Variants in TCERG1L observed in about 807,000 individuals in gnomAD.
TCERG1L encodes transcription elongation regulator 1-like protein.
TCERG1L carries 37 observed loss-of-function variants against 56.3 expected under a neutral mutation model. The ratio of observed to expected loss-of-function variants is 0.66; its 90% CI spans 0.51 to 0.87. The LOEUF is 0.87. Ranked by LOEUF, TCERG1L falls within the 40% of genes least tolerant of loss-of-function variation. The pLI, the probability that TCERG1L is intolerant of heterozygous loss-of-function variation, is 0.00. For missense variants in TCERG1L, 799 were observed against 774.2 expected (o/e 1.03, Z -0.38); for synonymous variants, 324 against 326.3 (o/e 0.99, Z 0.08).
At chr10:131,224,370 A>G (rs1359038228) in intron 4 of TCERG1L, among the ~76,000 whole-genome samples, 2 of 151,636 alleles carry the variant, frequency 1.3e-5, no homozygotes, top group Non-Finnish European at 2.9e-5. Context: ...TGCCTCCTGC[A>G]CTCTGGCCTC....
intron 6 of TCERG1L, among the ~76,000 whole-genome samples, chr10:131,152,203 G>A (rs11017767): frequency 0.2 from 30,647 of 151,924 alleles, 3,429 homozygotes; most frequent in East Asian, 0.35. Context: ...CTTTTCTATC[G>A]CGTGGTCAAG....
intron 1 of TCERG1L, among the ~76,000 whole-genome samples, chr10:131,310,391 A>C (rs890051064): frequency 6.6e-6 from 1 of 152,254 alleles, no homozygotes; most frequent in Non-Finnish European, 1.5e-5. Context: ...AGACCAATTT[A>C]GCAGGAGTTT....
Position 131,157,960 on chromosome 10 carries a change from G to A in TCERG1L, c.1034+5162C>T, listed in dbSNP as rs1214865502. On this transcript the variant is annotated intron_variant, in intron 6 of 11. Coordinates refer to ENST00000368642, the MANE Select transcript of TCERG1L (RefSeq NM_174937.4). ...CACTGGCCCAGGCCATTAGACAAGA[G>A]TGAGTAGATGGCTCTTTCTTCATTT... Among the ~76,000 whole-genome samples the A allele has an allele frequency of 3.3e-5, 5 of 152,258 alleles. No individual in the cohort carries two copies. In the East Asian group the frequency reaches 9.6e-4, roughly 29 times the overall value.
At chr10:131,218,735 T>C (rs1197988951) in intron 4 of TCERG1L, among the ~76,000 whole-genome samples, 1 of 152,128 alleles carries the variant, frequency 6.6e-6, no homozygotes, top group African/African-American at 2.4e-5. Flanking sequence ...TCATCTTCCC[T>C]TTCCTCCGGG....
At chr10:131,226,301 T>A (rs1260623960) in intron 4 of TCERG1L, among the ~76,000 whole-genome samples, 1 of 151,936 alleles carries the variant, frequency 6.6e-6, no homozygotes, top group Non-Finnish European at 1.5e-5. Flanking sequence ...GGTCTTGAAC[T>A]CCTGGGCTCA....
chr10:131,137,028 T>C (rs890652632), intron 7 of TCERG1L, among the ~76,000 whole-genome samples: 1 of 151,816 alleles, frequency 6.6e-6, no homozygotes, highest in Non-Finnish European at 1.5e-5. Flanking sequence ...TAATCCCAGC[T>C]ACTCAGGAGG....
At chr10:131,310,706 G>A (rs933617489) in intron 1 of TCERG1L, among the ~76,000 whole-genome samples, 3 of 152,184 alleles carry the variant, frequency 2.0e-5, no homozygotes, top group African/African-American at 4.8e-5. Context: ...GGTGGACTCC[G>A]GCAGGCCTGG....
At chr10:131,168,148 CGT>C (rs1846051379) in intron 4 of TCERG1L, among the ~76,000 whole-genome samples, 1 of 152,200 alleles carries the variant, frequency 6.6e-6, no homozygotes, top group Non-Finnish European at 1.5e-5. Context: ...TCACTTTATA[CGT>C]GTGTGCACAC....
intron 4 of TCERG1L, among the ~76,000 whole-genome samples, chr10:131,256,992 G>GGAAGGAAGGGAA (rs1846173015): frequency 1.7e-5 from 1 of 59,170 alleles, no homozygotes; most frequent in African/African-American, 5.5e-5. Context: ...AAGGAAGGAA[G>GGAAGGAAGGGAA]GAAAGAAAGA....
chr10:131,221,028 C>G (rs963068365), intron 4 of TCERG1L, among the ~76,000 whole-genome samples: 1 of 152,154 alleles, frequency 6.6e-6, no homozygotes, highest in South Asian at 2.1e-4. Flanking sequence ...CCCCCCCAAG[C>G]GGCTGAGTAC....
chr10:131,172,600 C>T (rs560033725), intron 4 of TCERG1L, among the ~76,000 whole-genome samples: 61 of 152,188 alleles, frequency 4.0e-4, no homozygotes, highest in South Asian at 8.3e-4. Flanking sequence ...GCTCCACGCG[C>T]GCTGGCTCCG....
intron 4 of TCERG1L, among the ~76,000 whole-genome samples, chr10:131,245,795 G>C (rs1215503756): frequency 2.0e-5 from 3 of 152,192 alleles, no homozygotes; most frequent in Non-Finnish European, 4.4e-5. Context: ...AGTGCGCACG[G>C]GGCCTTTGTA....
intron 4 of TCERG1L, among the ~76,000 whole-genome samples, chr10:131,181,880 T>C (rs912116244): frequency 6.6e-6 from 1 of 152,252 alleles, no homozygotes; most frequent in Non-Finnish European, 1.5e-5. Context: ...CCTTTGCAAA[T>C]ACATTGGGAA....
intron 3 of TCERG1L, among the ~76,000 whole-genome samples, chr10:131,281,952 T>A (rs934059412): frequency 3.3e-5 from 5 of 151,708 alleles, no homozygotes; most frequent in Admixed American, 2.0e-4. Flanking sequence ...CTGGCTAACA[T>A]GGTGAAACCC....
At chr10:131,248,240 ACT>A (rs1231384069) in intron 4 of TCERG1L, among the ~76,000 whole-genome samples, 144 of 146,702 alleles carry the variant, frequency 9.8e-4, no homozygotes, top group African/African-American at 3.7e-3. Context: ...CACACACACG[ACT>A]CACACACACT....
chr10:131,308,333 C>A lies in TCERG1L; in HGVS notation c.548G>T (p.Arg183Met). The A allele has an allele frequency of 6.2e-7, 1 of 1,613,962 alleles. No individual in the cohort carries two copies. Among genetic ancestry groups the A allele is most frequent in the Non-Finnish European group, 8.5e-7 (1 of 1,179,884 alleles). The change falls in exon 3 of 12, where the codon AGG becomes ATG. Residue 183 changes from arginine (R) to methionine (M), a missense_variant. Physicochemically the swap from Arg to Met is moderately conservative, Grantham distance 91. Coordinates refer to ENST00000368642, the MANE Select transcript of TCERG1L (RefSeq NM_174937.4). Reference sequence around the variant, plus strand: ...AGGCTTTTCATGCCCATGGAAAAACCTTGACTCCTCAGGATGTATCCACGT... The same window carrying A: ...AGGCTTTTCATGCCCATGGAAAAACATTGACTCCTCAGGATGTATCCACGT... ...DSTWIHPEES[R>M]FFHGHEKPRL...
intron 11 of TCERG1L, among the ~76,000 whole-genome samples, 193 bp downstream of exon 11, chr10:131,098,113 A>C (rs1329425897): frequency 6.6e-6 from 1 of 152,194 alleles, no homozygotes; most frequent in African/African-American, 2.4e-5. Flanking sequence ...TGAGAGGGAC[A>C]TTTGGAGGCT....
At chr10:131,232,626 T>A (rs1304184274) in intron 4 of TCERG1L, among the ~76,000 whole-genome samples, 2 of 152,248 alleles carry the variant, frequency 1.3e-5, no homozygotes, top group African/African-American at 4.8e-5. Context: ...AAAATTGCAA[T>A]GTGAAAATTT....
chr10:131,239,024 G>A (rs544556143), intron 4 of TCERG1L, among the ~76,000 whole-genome samples: 24 of 152,178 alleles, frequency 1.6e-4, no homozygotes, highest in Non-Finnish European at 3.5e-4. Context: ...AAAGCCCCAA[G>A]TAGCACGTGT....
Sources: gnomAD v4.1 joint callset for allele counts (sites outside exome capture counted in the v4.1 genomes callset) on GRCh38, gnomAD v4.1.1 for gene constraint, MANE v1.5 for transcripts, NCBI Gene and HGNC (gene_info 2026-07-23, HGNC 2026-07-21) for gene names.